SLC4A4: variants seen among roughly 807,000 people sequenced by gnomAD.
The protein encoded by SLC4A4 is solute carrier family 4 member 4, also known as electrogenic sodium bicarbonate cotransporter 1.
A neutral mutation model predicts 111.5 loss-of-function variants in SLC4A4; 27 were observed. That is an observed-to-expected ratio of 0.24 (90% confidence interval 0.18 to 0.33). The LOEUF is 0.33. Among genes scored for constraint, SLC4A4 ranks in the 10% least tolerant of loss-of-function variants. The pLI is 1.00. For synonymous variants in SLC4A4, 443 were observed against 463.4 expected (o/e 0.96, Z 0.57); for missense variants, 909 against 1,315.5 (o/e 0.69, Z 4.78).
intron 11 of SLC4A4, 117 bp from the exon 12 acceptor site, chr4:71,453,378 C>T: frequency 1.9e-6 from 2 of 1,039,148 alleles, no homozygotes; most frequent in South Asian, 2.6e-5. Context: ...TAAGTAGTAT[C>T]TTGTCACTGA....
chr4:71,149,067 T>C (rs1187027154), intron 2 of SLC4A4, among the ~76,000 whole-genome samples: 2 of 152,170 alleles, frequency 1.3e-5, no homozygotes, highest in Non-Finnish European at 2.9e-5. Flanking sequence ...TTTTTTGACT[T>C]TTTAATAATA....
intron 20 of SLC4A4, among the ~76,000 whole-genome samples, chr4:71,551,762 T>C (rs762073771): frequency 2.6e-5 from 4 of 151,942 alleles, no homozygotes; most frequent in Non-Finnish European, 4.4e-5. Flanking sequence ...AGTCCTTTCA[T>C]GTGCAGATAA....
intron 2 of SLC4A4, among the ~76,000 whole-genome samples, chr4:71,146,594 A>T (rs1385448790): frequency 3.9e-5 from 6 of 152,076 alleles, no homozygotes; most frequent in Non-Finnish European, 5.9e-5. Context: ...AGTCTCTTTG[A>T]AGGTCACTAA....
chr4:71,487,094 T>C (rs1729475700), intron 15 of SLC4A4, 76 bp downstream of exon 15: 1 of 869,814 alleles, frequency 1.1e-6, no homozygotes, highest in African/African-American at 1.7e-5. Context: ...TTATAATATA[T>C]GATGTCTTCT....
rs185447358 is a variant in SLC4A4, at chr4:71,289,430, C to G, written c.253+34031C>G. The stretch of plus-strand genomic sequence containing the variant: ...TGCTGGTACTGCACTGTAAGTAGTA[C>G]CAACATATTCTAAATGTTCTTATAT... On this transcript the variant is annotated intron_variant, in intron 3 of 25. Transcript: ENST00000264485. Among the ~76,000 whole-genome samples the G allele has an allele frequency of 2.0e-5, 3 of 152,214 alleles. No individual in the cohort carries two copies. In the East Asian group the frequency reaches 5.8e-4, roughly 29 times the overall value.
intron 18 of SLC4A4, among the ~76,000 whole-genome samples, chr4:71,543,854 C>T (rs891650726): frequency 1.7e-4 from 26 of 152,012 alleles, no homozygotes; most frequent in African/African-American, 5.5e-4. Context: ...TTTTTTACCT[C>T]CCCACAAATG....
intron 1 of SLC4A4, among the ~76,000 whole-genome samples, chr4:71,222,096 T>C (rs1483533896): frequency 6.6e-6 from 1 of 152,220 alleles, no homozygotes; most frequent in Admixed American, 6.5e-5. Context: ...ATCCAGTGGC[T>C]TTCTAGTTGT....
intron 3 of SLC4A4, among the ~76,000 whole-genome samples, chr4:71,326,713 T>A (rs998737306): frequency 5.9e-5 from 9 of 152,066 alleles, no homozygotes; most frequent in African/African-American, 2.2e-4. Flanking sequence ...AGGCAGCTGT[T>A]GGAGCCATTT....
chr4:71,163,884 T>C (rs1337828227), intron 2 of SLC4A4, among the ~76,000 whole-genome samples: 1 of 152,248 alleles, frequency 6.6e-6, no homozygotes, highest in Non-Finnish European at 1.5e-5. Flanking sequence ...ACTAATTTCT[T>C]GTCCTATTTC....
chr4:71,431,187 TAATAAAAATG>T (rs1723613768), intron 7 of SLC4A4, among the ~76,000 whole-genome samples: 1 of 147,158 alleles, frequency 6.8e-6, no homozygotes, highest in Non-Finnish European at 1.5e-5. Flanking sequence ...GGCAACATTC[TAATAAAAATG>T]AATAAAAATG....
intron 14 of SLC4A4, among the ~76,000 whole-genome samples, chr4:71,480,829 A>G (rs1362950340): frequency 6.6e-6 from 1 of 151,712 alleles, no homozygotes; most frequent in Non-Finnish European, 1.5e-5. Context: ...TTAGGCTAAT[A>G]TTTATTAAGC....
intron 20 of SLC4A4, among the ~76,000 whole-genome samples, chr4:71,550,911 C>T (rs181480820): frequency 6.6e-6 from 1 of 151,934 alleles, no homozygotes; most frequent in Non-Finnish European, 1.5e-5. Context: ...GTTTTAAGTT[C>T]ACGAGGATAC....
chr4:71,215,866 AAATT>A (rs1351164764), intron 1 of SLC4A4, among the ~76,000 whole-genome samples: 1 of 151,954 alleles, frequency 6.6e-6, no homozygotes, highest in Non-Finnish European at 1.5e-5. Flanking sequence ...CGAACAAAAT[AAATT>A]ATTATTGCTT....
At chr4:71,398,766 C>T (rs1720079064) in intron 7 of SLC4A4, among the ~76,000 whole-genome samples, 1 of 152,170 alleles carries the variant, frequency 6.6e-6, no homozygotes, top group Admixed American at 6.5e-5. Context: ...TAGTTTTGTT[C>T]TTTGCTAAGT....
intron 12 of SLC4A4, among the ~76,000 whole-genome samples, chr4:71,459,165 T>C (rs936016889): frequency 2.0e-5 from 3 of 152,008 alleles, no homozygotes; most frequent in Non-Finnish European, 4.4e-5. Context: ...GGTTTTTTTA[T>C]TTGAAAGACC....
At chr4:71,189,801 C>G (rs1745651549) in intron 1 of SLC4A4, among the ~76,000 whole-genome samples, 1 of 152,226 alleles carries the variant, frequency 6.6e-6, no homozygotes, top group Admixed American at 6.5e-5. Context: ...CTTGGAGTTT[C>G]TTTGTGTTTA....
intron 1 of SLC4A4, among the ~76,000 whole-genome samples, chr4:71,214,606 G>T (rs1400870438): frequency 6.6e-6 from 1 of 152,042 alleles, no homozygotes; most frequent in Non-Finnish European, 1.5e-5. Context: ...TTTATTTTTT[G>T]CTGTGTACTT....
At chr4:71,353,703 A>G (rs539508014) in intron 5 of SLC4A4, among the ~76,000 whole-genome samples, 5 of 152,204 alleles carry the variant, frequency 3.3e-5, no homozygotes, top group Admixed American at 2.0e-4. Context: ...AAATCTTAAG[A>G]TGCATCTCCC....
At chr4:71,086,538 G>T (rs1410967213) in intron 1 of SLC4A4, among the ~76,000 whole-genome samples, 1 of 151,856 alleles carries the variant, frequency 6.6e-6, no homozygotes, top group Non-Finnish European at 1.5e-5. Context: ...ATTGGCTGTG[G>T]GTTTATCATA....
Sources: allele counts gnomAD v4.1 joint callset (sites outside exome capture counted in the v4.1 genomes callset), GRCh38; gene constraint gnomAD v4.1.1; transcripts MANE v1.5; gene names NCBI Gene and HGNC (gene_info 2026-07-23, HGNC 2026-07-21).